The following DEFB123 variants were observed in gnomAD, a reference collection of about 807,000 sequenced individuals.
DEFB123 encodes the protein beta-defensin 123.
For missense variants in DEFB123, 71 were observed against 75.0 expected, an observed-to-expected ratio of 0.95 and a Z score of 0.20; for synonymous variants, 22 against 28.3, an observed-to-expected ratio of 0.78 and a Z score of 0.71.
chr20:31,442,569 A>G (rs977985108), intron 1 of DEFB123, among the ~76,000 whole-genome samples: 4 of 151,534 alleles, frequency 2.6e-5, no homozygotes, highest in African/African-American at 9.7e-5. Flanking sequence ...GAAATAGTGA[A>G]CACCAGGGGA....
chr20:31,447,275 TAATAAA>T (rs754406637), intron 1 of DEFB123, among the ~76,000 whole-genome samples: 17 of 151,880 alleles, frequency 1.1e-4, no homozygotes, highest in Non-Finnish European at 2.2e-4. Flanking sequence ...AAAATAATAA[TAATAAA>T]AATAAAAATA....
chr20:31,440,858 C>T, intron 1 of DEFB123, 102 bp downstream of exon 1: 1 of 1,429,674 alleles, frequency 7.0e-7, no homozygotes, highest in South Asian at 1.2e-5. Context: ...TCATCTAGCA[C>T]CACGTATAGG....
chr20:31,445,572 C>T (rs1273599448), intron 1 of DEFB123, among the ~76,000 whole-genome samples: 2 of 152,110 alleles, frequency 1.3e-5, no homozygotes, highest in Admixed American at 1.3e-4. Context: ...TGGAGTCTAA[C>T]TCTGTCGCCC....
At chr20:31,447,779 G>A (rs1979626449) in intron 1 of DEFB123, among the ~76,000 whole-genome samples, 1 of 77,572 alleles carries the variant, frequency 1.3e-5, no homozygotes, top group Non-Finnish European at 2.6e-5. Flanking sequence ...AACACACCCG[G>A]CTTTTTTTTT....
chr20:31,447,202 C>T (rs776041966), intron 1 of DEFB123, among the ~76,000 whole-genome samples: 10 of 151,818 alleles, frequency 6.6e-5, no homozygotes, highest in Non-Finnish European at 1.0e-4. Flanking sequence ...GTGGAGGTTG[C>T]GGTGAGCTGA....
In DEFB123 at chr20:31,440,706, T is replaced by G; in HGVS notation, c.8T>G (p.Leu3Arg). The change falls in exon 1 of 2, where the codon CTC becomes CGC. Residue 3 changes from leucine (L) to arginine (R), a missense_variant. By Grantham distance (102) the Leu-to-Arg change is moderately radical (BLOSUM62 -2). Transcript: ENST00000376309. Reference protein sequence around the residue: MKLLLLTLTVLLL... With the variant: MKRLLLTLTVLLL... Reference sequence around the variant, plus strand: ...TTTTGGGCTGCCTTAGCCATGAAGCTCCTTTTGCTGACTTTGACTGTGCTG... The same window carrying G: ...TTTTGGGCTGCCTTAGCCATGAAGCGCCTTTTGCTGACTTTGACTGTGCTG... 6.2e-7 allele frequency: 1 copy of G among 1,613,814 alleles called. No individual in the cohort carries two copies. Among genetic ancestry groups the G allele is most frequent in the South Asian group, 1.1e-5 (1 of 91,086 alleles).
chr20:31,447,850 T>G (rs1033324652), intron 1 of DEFB123, among the ~76,000 whole-genome samples: 2 of 139,032 alleles, frequency 1.4e-5, no homozygotes, highest in African/African-American at 2.6e-5. Flanking sequence ...GCAGTGGCGC[T>G]ATCTCGGCTC....
intron 1 of DEFB123, among the ~76,000 whole-genome samples, chr20:31,448,505 AT>A (rs1342482780): frequency 6.7e-6 from 1 of 150,280 alleles, no homozygotes; most frequent in African/African-American, 2.4e-5. Flanking sequence ...ACTACTTGTT[AT>A]TGTCCCATGG....
chr20:31,447,563 C>A (rs1170055634), intron 1 of DEFB123, among the ~76,000 whole-genome samples: 1 of 151,150 alleles, frequency 6.6e-6, no homozygotes, highest in Non-Finnish European at 1.5e-5. Context: ...CTTTAAAGAT[C>A]TCTCTCTACC....
intron 1 of DEFB123, among the ~76,000 whole-genome samples, chr20:31,443,660 C>G (rs999583677): frequency 6.6e-6 from 1 of 152,184 alleles, no homozygotes; most frequent in Non-Finnish European, 1.5e-5. Flanking sequence ...AGGAGACACA[C>G]GAAAGGCCTT....
intron 1 of DEFB123, among the ~76,000 whole-genome samples, chr20:31,442,335 T>C (rs1441086163): frequency 6.6e-6 from 1 of 152,210 alleles, no homozygotes; most frequent in African/African-American, 2.4e-5. Context: ...ACTTGATATG[T>C]CATCAAATAA....
intron 1 of DEFB123, among the ~76,000 whole-genome samples, chr20:31,443,904 T>C (rs1399248003): frequency 2.0e-5 from 3 of 152,226 alleles, no homozygotes; most frequent in East Asian, 3.8e-4. Flanking sequence ...CTATAGCTTA[T>C]GATGAAGTGG....
intron 1 of DEFB123, among the ~76,000 whole-genome samples, chr20:31,445,973 G>A (rs530309683): frequency 2.6e-5 from 4 of 152,324 alleles, no homozygotes; most frequent in African/African-American, 9.6e-5. Context: ...TCTTTAATAT[G>A]ACCCTTGAGC....
rs1210211331 is a variant in DEFB123 at position 31,450,146 on chromosome 20, A to G, written c.176A>G (p.Gln59Arg). The G allele has an allele frequency of 6.2e-7, 1 of 1,607,296 alleles. No homozygotes were observed. The highest frequency in any genetic ancestry group is 1.1e-5 in the South Asian group (1 of 89,704). The change falls in exon 2 of 2, where the codon CAG becomes CGG. Residue 59 changes from glutamine to arginine, a missense_variant. Gln to Arg is a conservative substitution (Grantham distance 43). Coordinates refer to ENST00000376309, the MANE Select transcript of DEFB123 (RefSeq NM_153324.4). ...NKMCCVKPKY[Q>R]PKERWWPF ...ATGTGCTGCGTGAAGCCCAAGTACC[A>G]GCCAAAAGAAAGGTGGTGGCCATTT...
chr20:31,440,687 G>T lies in DEFB123; in HGVS notation c.-12G>T, dbSNP rs766696165. ...CATCGGACTTGCAGCTTCATTTTGG[G>T]CTGCCTTAGCCATGAAGCTCCTTTT... On this transcript the variant is annotated 5_prime_UTR_variant, in exon 1 of 2. Coordinates refer to ENST00000376309, the MANE Select transcript of DEFB123 (RefSeq NM_153324.4). 2.9e-5 allele frequency: 47 copies of T among 1,613,464 alleles called. No individual in the cohort carries two copies. Among genetic ancestry groups the T allele is most frequent in the Non-Finnish European group, 3.4e-6 (4 of 1,180,006 alleles).
At chr20:31,442,946 T>C (rs1401950125) in intron 1 of DEFB123, among the ~76,000 whole-genome samples, 3 of 152,078 alleles carry the variant, frequency 2.0e-5, no homozygotes, top group African/African-American at 7.2e-5. Flanking sequence ...AATGTCTCAC[T>C]GTGACCTGAG....
intron 1 of DEFB123, among the ~76,000 whole-genome samples, chr20:31,448,425 A>G (rs1404639061): frequency 1.3e-5 from 2 of 151,920 alleles, no homozygotes; most frequent in African/African-American, 4.8e-5. Flanking sequence ...TTCAGCCATT[A>G]TTACTTCAAA....
At chr20:31,446,701 C>T (rs1372345634) in intron 1 of DEFB123, among the ~76,000 whole-genome samples, 1 of 152,164 alleles carries the variant, frequency 6.6e-6, no homozygotes, top group South Asian at 2.1e-4. Context: ...CAAATAAAAA[C>T]ATGCCAATTC....
At chr20:31,449,894 T>C (rs1434286299) in intron 1 of DEFB123, 135 bp from the exon 2 acceptor site, 10 of 1,114,134 alleles carry the variant, frequency 9.0e-6, no homozygotes, top group South Asian at 4.0e-5. Context: ...AAAACAGTGA[T>C]AGATGAAAAG....
Sources: allele counts gnomAD v4.1 joint callset (sites outside exome capture counted in the v4.1 genomes callset), GRCh38; gene constraint gnomAD v4.1.1; transcripts MANE v1.5; gene names NCBI Gene and HGNC (gene_info 2026-07-23, HGNC 2026-07-21).